ABCA12: variants seen among roughly 807,000 people sequenced by gnomAD.
ABCA12 encodes the protein ATP binding cassette subfamily A member 12.
A neutral mutation model predicts 293.5 loss-of-function variants in ABCA12; 156 were observed. That is an observed-to-expected ratio of 0.53 (90% CI 0.47 to 0.61). The LOEUF (loss-of-function observed/expected upper bound fraction) is 0.61, where lower values mean the gene tolerates loss of function less well. Ranked by LOEUF, ABCA12 falls within the 20% of genes least tolerant of loss-of-function variation. The pLI, the probability that ABCA12 is intolerant of heterozygous loss-of-function variation, is 0.00. For synonymous variants in ABCA12, 1,063 were observed against 1,108.0 expected, an observed-to-expected ratio of 0.96 and a Z score of 0.81; for missense variants, 2,797 against 3,090.2, an observed-to-expected ratio of 0.91 and a Z score of 2.25.
intron 1 of ABCA12, among the ~76,000 whole-genome samples, chr2:215,125,926 TG>T (rs1702911818): frequency 6.6e-6 from 1 of 152,160 alleles, no homozygotes; most frequent in African/African-American, 2.4e-5. Context: ...ATGTTGGCTG[TG>T]GGTTTGTCAT....
chr2:215,019,577 T>G lies in ABCA12; in HGVS notation c.1507A>C (p.Thr503Pro), dbSNP rs764705646. 1.3e-5 allele frequency: 21 copies of G among 1,614,230 alleles called. No individual in the cohort carries two copies. The highest frequency in any genetic ancestry group is 1.7e-5 in the Non-Finnish European group (20 of 1,180,036). The change falls in exon 12 of 53, where the codon ACT (threonine) becomes CCT (proline). Residue 503 changes from threonine (T) to proline (P), a missense_variant. By Grantham distance (38) the Thr-to-Pro change is conservative (BLOSUM62 -1). This residue lies in a region of ABCA12 where 656 missense variants were observed against 638.2 expected (regional missense o/e 1.03). Coordinates refer to ENST00000272895, the MANE Select transcript of ABCA12 (RefSeq NM_173076.3). ...AAATTAATTTTGCTTGGATCTCCAG[T>G]CAGCAAATCTCTCACTTTTTTAGAT... The part of the protein sequence containing the change: ...VISKKVRDLL[T>P]GDPSKINLNM...
chr2:214,953,923 A>G lies in ABCA12; in HGVS notation c.6578T>C (p.Leu2193Ser), dbSNP rs929739806. Residue 2193 changes from leucine (L) to serine (S), a missense_variant, in exon 44 of 53, where the codon TTG (leucine) becomes TCG (serine). Transcript: ENST00000272895. ...AAAAAACATGGTGCCCTGAGAAACC[A>G]AAGCCACAAACATTGCACCTAGTTT... is the stretch of plus-strand genomic sequence containing the variant. ...MNKLGAMFVA[L>S]VSQGTMFFSL... 3 of 1,613,968 alleles carry G rather than the reference A, an allele frequency of 1.9e-6. No individual in the cohort carries two copies. Among genetic ancestry groups the G allele is most frequent in the Non-Finnish European group, 2.5e-6 (3 of 1,179,988 alleles).
chr2:214,957,412 C>T (rs766034331), intron 41 of ABCA12, among the ~76,000 whole-genome samples: 6 of 152,288 alleles, frequency 3.9e-5, no homozygotes, highest in African/African-American at 7.2e-5. Context: ...AGATATAAGA[C>T]AACAGAATCC....
At position 214,932,454 on chromosome 2, in the gene ABCA12, C is replaced by G; in HGVS notation, c.*180G>C. The G allele has an allele frequency of 1.6e-6, 1 of 613,564 alleles. No individual in the cohort carries two copies. The highest frequency in any genetic ancestry group is 1.9e-5 in the South Asian group (1 of 52,416). The allele number at this position is 613,564 out of a possible 1,614,324, so 38.0% of individuals were successfully genotyped here. A position where few individuals can be genotyped will look rare whatever the true frequency, so the allele number is the denominator to read the frequency against. On this transcript the variant is annotated 3_prime_UTR_variant, in exon 53 of 53. Coordinates refer to ENST00000272895, the MANE Select transcript of ABCA12 (RefSeq NM_173076.3). ...TTCATTTCAGTAGCAACAACACTCA[C>G]TGACCTTAGAAGGAAAAATTTCCTT... is the stretch of plus-strand genomic sequence containing the variant.
chr2:215,001,112 G>T, intron 21 of ABCA12, 92 bp from the exon 22 acceptor site: 1 of 1,230,116 alleles, frequency 8.1e-7, no homozygotes. Context: ...CAGCCAAACA[G>T]TCAATTGAGT....
chr2:215,087,317 A>G (rs1164280376), intron 2 of ABCA12, among the ~76,000 whole-genome samples: 1 of 152,186 alleles, frequency 6.6e-6, no homozygotes, highest in Non-Finnish European at 1.5e-5. Flanking sequence ...GATATTCTTC[A>G]CGGATTGGAA....
intron 2 of ABCA12, among the ~76,000 whole-genome samples, chr2:215,091,337 A>G (rs1297395964): frequency 2.0e-5 from 3 of 152,086 alleles, no homozygotes; most frequent in Non-Finnish European, 4.4e-5. Flanking sequence ...TCTGGCTTAC[A>G]GTTTCATTCT....
intron 2 of ABCA12, among the ~76,000 whole-genome samples, chr2:215,079,466 G>C (rs899200974): frequency 1.1e-4 from 16 of 152,172 alleles, no homozygotes; most frequent in Admixed American, 9.2e-4. Context: ...ATGAAACGTG[G>C]AAGATATCTG....
chr2:215,025,522 A>G, intron 11 of ABCA12, 151 bp downstream of exon 11: 1 of 629,534 alleles, frequency 1.6e-6, no homozygotes, highest in East Asian at 2.8e-5. Flanking sequence ...ATCTAGAGTT[A>G]AAATAGCATC....
intron 23 of ABCA12, among the ~76,000 whole-genome samples, chr2:214,992,164 C>T (rs764993573): frequency 2.6e-5 from 4 of 151,898 alleles, no homozygotes; most frequent in Non-Finnish European, 5.9e-5. Context: ...TAATGAGGGC[C>T]GATCACGGTG....
intron 1 of ABCA12, among the ~76,000 whole-genome samples, chr2:215,130,857 C>A (rs929255481): frequency 6.6e-6 from 1 of 151,660 alleles, no homozygotes; most frequent in African/African-American, 2.4e-5. Context: ...CCCCATTCAG[C>A]GTGATGTTGG....
At chr2:215,137,157 C>A (rs932658407) in intron 1 of ABCA12, among the ~76,000 whole-genome samples, 12 of 152,048 alleles carry the variant, frequency 7.9e-5, no homozygotes, top group Non-Finnish European at 1.3e-4. Context: ...ACAAAATTCA[C>A]AAGGGTAAAT....
intron 24 of ABCA12, among the ~76,000 whole-genome samples, 156 bp from the exon 25 acceptor site, chr2:214,989,777 A>G (rs1699875200): frequency 6.6e-6 from 1 of 152,236 alleles, no homozygotes; most frequent in Non-Finnish European, 1.5e-5. Context: ...CTTACCAACC[A>G]TGCTACAACT....
chr2:215,131,382 A>T (rs1351173299), intron 1 of ABCA12, among the ~76,000 whole-genome samples: 1 of 150,506 alleles, frequency 6.6e-6, no homozygotes, highest in Non-Finnish European at 1.5e-5. Flanking sequence ...TTTTATCGGG[A>T]GATTTTTTTT....
chr2:215,000,743 C>A lies in ABCA12; in HGVS notation c.3141G>T (p.Gln1047His), dbSNP rs199738768. The A allele has an allele frequency of 1.2e-6, 2 of 1,614,060 alleles. No individual in the cohort carries two copies. The highest frequency in any genetic ancestry group is 4.5e-5 in the East Asian group (2 of 44,886). The change falls in exon 22 of 53, where the codon CAG becomes CAT. Residue 1047 changes from glutamine (Q) to histidine (H), a missense_variant. Physicochemically the swap from Gln to His is conservative, Grantham distance 24. Coordinates refer to ENST00000272895, the MANE Select transcript of ABCA12 (RefSeq NM_173076.3). ...TGRNSQEIAV[Q>H]VQAIPYPCFM... ...AGCAGGGATAAGGAATTGCTTGAACCTGGACTGCTATTTCCTGGGAGTTCC... is the reference window on the plus strand; with the variant it reads ...AGCAGGGATAAGGAATTGCTTGAACATGGACTGCTATTTCCTGGGAGTTCC...
At chr2:215,112,392 G>A (rs1702591302) in intron 1 of ABCA12, among the ~76,000 whole-genome samples, 1 of 149,914 alleles carries the variant, frequency 6.7e-6, no homozygotes, top group East Asian at 1.9e-4. Flanking sequence ...TTATGGTAGG[G>A]GCAGTGTCTT....
chr2:214,969,364 G>A (rs1291278220), intron 37 of ABCA12, among the ~76,000 whole-genome samples: 1 of 151,966 alleles, frequency 6.6e-6, no homozygotes, highest in Non-Finnish European at 1.5e-5. Context: ...TAAAATCCAA[G>A]TAGTAATTTT....
rs755171306 is a variant in ABCA12, at chr2:214,968,454, A to G, written c.5778+266T>C. The stretch of plus-strand genomic sequence containing the variant: ...AATGAATATGAAACAGTTTATTTCT[A>G]TATTCTGCATGTGGGCATTTTGGGT... On this transcript the variant is annotated intron_variant, in intron 38 of 52. Transcript: ENST00000272895. Among the ~76,000 whole-genome samples the G allele has an allele frequency of 2.0e-4, 31 of 152,140 alleles. 1 individual carries two copies. Among genetic ancestry groups the G allele is most frequent in the Middle Eastern group, 3.4e-3 (1 of 294 alleles).
chr2:215,132,334 G>A (rs1364443915), intron 1 of ABCA12, among the ~76,000 whole-genome samples: 1 of 151,986 alleles, frequency 6.6e-6, no homozygotes, highest in African/African-American at 2.4e-5. Context: ...TATAAGTGGG[G>A]TGTTGAAGTC....
Sources: allele counts gnomAD v4.1 joint callset (sites outside exome capture counted in the v4.1 genomes callset), GRCh38; gene constraint gnomAD v4.1.1; regional missense constraint gnomAD v4.1.1; transcripts MANE v1.5; gene names NCBI Gene and HGNC (gene_info 2026-07-23, HGNC 2026-07-21).